SCGN: variants seen among roughly 807,000 people sequenced by gnomAD.
The protein encoded by SCGN is secretagogin.
In SCGN, 30 loss-of-function variants were observed where a neutral mutation model predicts 39.7. The observed-to-expected ratio is 0.76, with a 90% CI of 0.57 to 1.03. The LOEUF is 1.03. SCGN is among the 50% of genes least tolerant of loss of function. The probability of loss-of-function intolerance (pLI) is 0.00; values close to 1 mark genes in which losing one functional copy is unlikely to be tolerated. For missense variants in SCGN, 353 were observed against 349.4 expected, an observed-to-expected ratio of 1.01 and a Z score of -0.08; for synonymous variants, 106 against 114.1, an observed-to-expected ratio of 0.93 and a Z score of 0.45.
intron 4 of SCGN, among the ~76,000 whole-genome samples, chr6:25,668,887 G>A (rs1372155462): frequency 2.6e-5 from 4 of 152,156 alleles, no homozygotes; most frequent in African/African-American, 9.7e-5. Flanking sequence ...CGAGGCGGGC[G>A]GATCACAAGG....
At chr6:25,662,982 T>G (rs921467476) in intron 3 of SCGN, among the ~76,000 whole-genome samples, 2 of 152,240 alleles carry the variant, frequency 1.3e-5, no homozygotes, top group Admixed American at 6.5e-5. Flanking sequence ...AACTGAAAAC[T>G]ATGTCATTAT....
intron 4 of SCGN, among the ~76,000 whole-genome samples, chr6:25,668,629 A>G (rs771151938): frequency 3.3e-5 from 5 of 152,182 alleles, no homozygotes; most frequent in African/African-American, 7.2e-5. Flanking sequence ...TGTGGGTCCC[A>G]TGATTTATTC....
intron 10 of SCGN, among the ~76,000 whole-genome samples, chr6:25,694,494 T>C (rs1306211890): frequency 1.3e-5 from 2 of 152,180 alleles, no homozygotes; most frequent in African/African-American, 4.8e-5. Context: ...TTAGCCTCTC[T>C]GTTTCTGTGG....
In SCGN at chr6:25,684,527, G is replaced by T. The variant is rs151244604; in HGVS notation, c.527+2521G>T. 9.8e-4 allele frequency among the ~76,000 whole-genome samples: 150 copies of T among 152,312 alleles called. 2 individuals are homozygous for T. In the East Asian group the frequency reaches 0.027, roughly 27 times the overall value. On this transcript the variant is annotated intron_variant, in intron 7 of 10. Coordinates refer to ENST00000377961, the MANE Select transcript of SCGN (RefSeq NM_006998.4). ...TCCACGTCTTAGGCTGGGTGCAGTG[G>T]CTCACACTTGTAATCCCAGCACTGT... is the stretch of plus-strand genomic sequence containing the variant.
chr6:25,701,066 G>A, intron 10 of SCGN, 141 bp from the exon 11 acceptor site: 1 of 833,818 alleles, frequency 1.2e-6, no homozygotes, highest in Non-Finnish European at 1.8e-6. Context: ...GTGGGATGAG[G>A]CGATAGACTC....
intron 4 of SCGN, among the ~76,000 whole-genome samples, chr6:25,667,275 T>A (rs933337580): frequency 5.3e-5 from 8 of 152,186 alleles, no homozygotes; most frequent in African/African-American, 1.9e-4. Context: ...ATCTTTTTTT[T>A]AAATTCCACT....
intron 10 of SCGN, among the ~76,000 whole-genome samples, chr6:25,696,758 A>G (rs902574475): frequency 6.6e-6 from 1 of 152,182 alleles, no homozygotes. Flanking sequence ...CTACCCAGAA[A>G]GTTGCTGATG....
chr6:25,688,299 T>A (rs1359426470), intron 7 of SCGN, among the ~76,000 whole-genome samples: 1 of 152,188 alleles, frequency 6.6e-6, no homozygotes, highest in Non-Finnish European at 1.5e-5. Context: ...TTTGGTGACT[T>A]TTCTGAACTA....
intron 6 of SCGN, among the ~76,000 whole-genome samples, chr6:25,671,850 G>A (rs1049696190): frequency 6.6e-6 from 1 of 152,024 alleles, no homozygotes; most frequent in Non-Finnish European, 1.5e-5. Flanking sequence ...TTAACAGAAT[G>A]TTAGCACTGG....
In SCGN at chr6:25,653,430, T is replaced by C. The variant is rs1582567830; in HGVS notation, c.131T>C (p.Met44Thr). The change falls in exon 2 of 11, where the codon ATG becomes ACG. Residue 44 changes from methionine (M) to threonine (T), a missense_variant. Coordinates refer to ENST00000377961, the MANE Select transcript of SCGN (RefSeq NM_006998.4). ...GAACTCGATGCTTTCTTTCTCCACA[T>C]GTTGATGAAACTGGGTACTGATGTA... ...EKELDAFFLHMLMKLGTDDTV... is the reference protein window; with the variant it reads ...EKELDAFFLHTLMKLGTDDTV... 1 of 1,613,262 alleles carries C rather than the reference T, an allele frequency of 6.2e-7. No homozygotes were observed. The highest frequency in any genetic ancestry group is 8.5e-7 in the Non-Finnish European group (1 of 1,179,414).
chr6:25,689,272 T>C, intron 8 of SCGN, 55 bp downstream of exon 8: 1 of 1,352,906 alleles, frequency 7.4e-7, no homozygotes, highest in Non-Finnish European at 1.0e-6. Flanking sequence ...TCTCTACGGA[T>C]TTGAGCAGGA....
chr6:25,672,487 G>A (rs545933321), intron 6 of SCGN, among the ~76,000 whole-genome samples: 1 of 152,280 alleles, frequency 6.6e-6, no homozygotes, highest in South Asian at 2.1e-4. Context: ...GATGGTCAGG[G>A]TGGCCCCTCT....
chr6:25,658,164 C>T (rs1376943172), intron 2 of SCGN, among the ~76,000 whole-genome samples: 22 of 150,304 alleles, frequency 1.5e-4, no homozygotes, highest in Non-Finnish European at 1.2e-4. Flanking sequence ...CTCAGCCTCC[C>T]GAGTAGCTGG....
intron 6 of SCGN, among the ~76,000 whole-genome samples, chr6:25,672,483 C>T (rs1759513384): frequency 6.6e-6 from 1 of 152,108 alleles, no homozygotes. Context: ...ATAAGATGGT[C>T]AGGGTGGCCC....
In SCGN at chr6:25,701,404, A is replaced by T. The variant is rs955420599; in HGVS notation, c.*69A>T. 6.4e-7 allele frequency: 1 copy of T among 1,561,508 alleles called. No individual in the cohort carries two copies. Among genetic ancestry groups the T allele is most frequent in the South Asian group, 1.2e-5 (1 of 81,474 alleles). Reference sequence around the variant, plus strand: ...CTTGCTGGTAGAATTGTATCTGTGCATTGATGTTGGGAACACAGTGGGCAA... The same window carrying T: ...CTTGCTGGTAGAATTGTATCTGTGCTTTGATGTTGGGAACACAGTGGGCAA... On this transcript the variant is annotated 3_prime_UTR_variant, in exon 11 of 11. Coordinates refer to ENST00000377961, the MANE Select transcript of SCGN (RefSeq NM_006998.4).
At position 25,701,486 on chromosome 6, in the gene SCGN, C is replaced by G. The variant is rs547303417; in HGVS notation, c.*151C>G. 3 of 916,224 alleles carry G rather than the reference C, an allele frequency of 3.3e-6. No homozygotes were observed. The highest frequency in any genetic ancestry group is 4.9e-6 in the Non-Finnish European group (3 of 612,054). The allele number at this position is 916,224 out of a possible 1,614,324, so 56.8% of individuals were successfully genotyped here. A position where few individuals can be genotyped will look rare whatever the true frequency, so the allele number is the denominator to read the frequency against. ...AACAGGGACGCTAGGGCCTTCCTTCCACCGGCGTGATCTATCCCTGTCTCA... is the reference window on the plus strand; with the variant it reads ...AACAGGGACGCTAGGGCCTTCCTTCGACCGGCGTGATCTATCCCTGTCTCA... On this transcript the variant is annotated 3_prime_UTR_variant, in exon 11 of 11. Transcript: ENST00000377961.
intron 4 of SCGN, among the ~76,000 whole-genome samples, chr6:25,667,882 C>T (rs1760448189): frequency 6.6e-6 from 1 of 152,104 alleles, no homozygotes; most frequent in Non-Finnish European, 1.5e-5. Flanking sequence ...TGGAGAATGG[C>T]ACTTAAAAAG....
rs372458794 is a variant in SCGN, at chr6:25,661,709, C to T, written c.246+65C>T. ...TTGACTGTTTTTTTCTTTACTTTAT[C>T]GTCTTGGGCTGTAATATTCTTTGAA... On this transcript the variant is annotated intron_variant, in intron 3 of 10. Transcript: ENST00000377961. The T allele has an allele frequency of 8.5e-5, 90 of 1,056,270 alleles. 3 individuals are homozygous for T. The highest frequency in any genetic ancestry group is 4.4e-4 in the East Asian group (18 of 40,582). 65.4% of individuals were successfully genotyped at this position (1,056,270 alleles called of 1,614,324 possible).
chr6:25,689,605 CT>C, intron 9 of SCGN, 73 bp downstream of exon 9: 1 of 1,268,540 alleles, frequency 7.9e-7, no homozygotes, highest in Non-Finnish European at 1.1e-6. Context: ...GTGGAGCCAT[CT>C]TACCCAACAG....
Sources: allele counts gnomAD v4.1 joint callset (sites outside exome capture counted in the v4.1 genomes callset), GRCh38; gene constraint gnomAD v4.1.1; transcripts MANE v1.5; gene names NCBI Gene and HGNC (gene_info 2026-07-23, HGNC 2026-07-21).